ADAMTS16: variants seen among roughly 807,000 people sequenced by gnomAD.
ADAMTS16 encodes A disintegrin and metalloproteinase with thrombospondin motifs 16.
In ADAMTS16, 94 loss-of-function variants were observed where a neutral mutation model predicts 145.8. The observed-to-expected ratio is 0.64, with a 90% CI of 0.55 to 0.77. The LOEUF (loss-of-function observed/expected upper bound fraction) is 0.77. ADAMTS16 is among the 30% of genes least tolerant of loss of function. ADAMTS16 has a pLI of 0.00. For missense variants in ADAMTS16, 1,585 were observed against 1,591.5 expected, an observed-to-expected ratio of 1.00 and a Z score of 0.07; for synonymous variants, 659 against 604.3, an observed-to-expected ratio of 1.09 and a Z score of -1.33.
chr5:5,308,104 C>T (rs1277368052), intron 21 of ADAMTS16, among the ~76,000 whole-genome samples: 1 of 152,240 alleles, frequency 6.6e-6, no homozygotes, highest in Admixed American at 6.5e-5. Context: ...GTGGCACACC[C>T]AAGGTGAAGT....
Position 5,262,714 on chromosome 5 carries a change from C to T in ADAMTS16, c.2720C>T (p.Ser907Phe). Residue 907 changes from serine to phenylalanine, a missense_variant, in exon 18 of 23, where the codon TCC becomes TTC. Ser to Phe is a radical substitution (Grantham distance 155). Around this residue, in one of 3 missense-constraint regions of ADAMTS16, gnomAD observed 834 missense variants for 811.7 expected, o/e 1.03. Transcript: ENST00000274181. ...GACCTGAAGTTTCAAGTAAATATGTCCTTCTGCAATCCCAAGACACGACCT... is the reference window on the plus strand; with the variant it reads ...GACCTGAAGTTTCAAGTAAATATGTTCTTCTGCAATCCCAAGACACGACCT... ...YRDLKFQVNM[S>F]FCNPKTRPVT... The T allele has an allele frequency of 6.2e-7, 1 of 1,614,230 alleles. No individual in the cohort carries two copies.
At chr5:5,257,120 C>T (rs2964408) in intron 17 of ADAMTS16, among the ~76,000 whole-genome samples, 145,609 of 152,288 alleles carry the variant, frequency 0.96, 69,835 homozygotes, top group Non-Finnish European at 1. Flanking sequence ...GAAAGTAGGT[C>T]CATAAAACAT....
chr5:5,145,198 A>G (rs1383790053), intron 2 of ADAMTS16, among the ~76,000 whole-genome samples: 1 of 152,222 alleles, frequency 6.6e-6, no homozygotes, highest in East Asian at 1.9e-4. Context: ...TATGGAAAAA[A>G]TACTGTATTA....
At chr5:5,294,726 G>A (rs1739462078) in intron 18 of ADAMTS16, among the ~76,000 whole-genome samples, 2 of 152,296 alleles carry the variant, frequency 1.3e-5, no homozygotes, top group Admixed American at 1.3e-4. Flanking sequence ...TGGAAAATTG[G>A]AAAGCCGAGT....
intron 3 of ADAMTS16, among the ~76,000 whole-genome samples, chr5:5,169,270 A>G (rs911570493): frequency 6.6e-6 from 1 of 152,216 alleles, no homozygotes; most frequent in African/African-American, 2.4e-5. Context: ...TCAACGTAGA[A>G]GGAAATACTA....
Position 5,182,296 on chromosome 5 carries a change from C to T in ADAMTS16, c.754C>T (p.Arg252Cys), listed in dbSNP as rs201921839. 4.8e-5 allele frequency: 78 copies of T among 1,611,910 alleles called. No individual in the cohort carries two copies. The highest frequency in any genetic ancestry group is 9.3e-5 in the African/African-American group (7 of 74,982). The change falls in exon 4 of 23, where the codon CGC (arginine) becomes TGC (cysteine). Residue 252 changes from arginine to cysteine, a missense_variant. This residue lies in a region of ADAMTS16 where 453 missense variants were observed against 412.1 expected (regional missense o/e 1.10). Transcript: ENST00000274181. Reference protein sequence around the residue: ...LPQKQHFCGRRKKYMPQPPKE... With the variant: ...LPQKQHFCGRCKKYMPQPPKE... Reference sequence around the variant, plus strand: ...ACAAAAGCAGCATTTCTGTGGAAGACGCAAGAAATGTATGTAAGGGCGAAT... The same window carrying T: ...ACAAAAGCAGCATTTCTGTGGAAGATGCAAGAAATGTATGTAAGGGCGAAT...
At chr5:5,145,427 T>C (rs1241182436) in intron 2 of ADAMTS16, among the ~76,000 whole-genome samples, 1 of 152,210 alleles carries the variant, frequency 6.6e-6, no homozygotes, top group Non-Finnish European at 1.5e-5. Flanking sequence ...GCACTGAATA[T>C]TCAGTGATGG....
chr5:5,167,470 T>C (rs1418728893), intron 3 of ADAMTS16, among the ~76,000 whole-genome samples: 2 of 152,204 alleles, frequency 1.3e-5, no homozygotes, highest in African/African-American at 4.8e-5. Flanking sequence ...AGGTACAGGA[T>C]CTCAGAATCT....
intron 12 of ADAMTS16, among the ~76,000 whole-genome samples, chr5:5,233,012 G>A (rs1330071214): frequency 7.1e-6 from 1 of 141,780 alleles, no homozygotes; most frequent in African/African-American, 2.5e-5. Context: ...TATAACTTAA[G>A]ATGCTTATAA....
At position 5,306,742 on chromosome 5, in the gene ADAMTS16, T is replaced by A. The variant is rs766996201; in HGVS notation, c.3411+14T>A. The A allele has an allele frequency of 6.5e-5, 103 of 1,589,248 alleles. No homozygotes were observed. The highest frequency in any genetic ancestry group is 8.6e-5 in the Non-Finnish European group (100 of 1,166,822). ...CCCTGGTCTCAGGTAGGGGAGGCCC[T>A]CGGTTCCTGGAGAGTGGGCGAGCAC... On this transcript the variant is annotated intron_variant, in intron 21 of 22. Transcript: ENST00000274181.
chr5:5,300,208 C>A (rs764900260), intron 18 of ADAMTS16, among the ~76,000 whole-genome samples: 4 of 152,122 alleles, frequency 2.6e-5, no homozygotes, highest in Non-Finnish European at 4.4e-5. Flanking sequence ...ATTTATAAGG[C>A]TGCAGGATTG....
intron 18 of ADAMTS16, among the ~76,000 whole-genome samples, chr5:5,274,693 C>G (rs1012018514): frequency 6.7e-6 from 1 of 148,160 alleles, no homozygotes; most frequent in Non-Finnish European, 1.5e-5. Context: ...TACATATATA[C>G]ATATATATAC....
chr5:5,227,114 G>A (rs971021604), intron 11 of ADAMTS16, among the ~76,000 whole-genome samples: 5 of 152,244 alleles, frequency 3.3e-5, no homozygotes, highest in African/African-American at 1.2e-4. Context: ...AATTTCAGAA[G>A]AGGACACCGG....
Position 5,140,461 on chromosome 5 carries a change from C to G in ADAMTS16, c.-7C>G, listed in dbSNP as rs1176411638. 1 of 1,510,246 alleles carries G rather than the reference C, an allele frequency of 6.6e-7. No homozygotes were observed. Among genetic ancestry groups the G allele is most frequent in the Non-Finnish European group, 8.8e-7 (1 of 1,138,108 alleles). The allele number at this position is 1,510,246 out of a possible 1,614,324, so 93.6% of individuals were successfully genotyped here. A position where few individuals can be genotyped will look rare whatever the true frequency, so the allele number is the denominator to read the frequency against. On this transcript the variant is annotated 5_prime_UTR_variant, in exon 1 of 23. Coordinates refer to ENST00000274181, the MANE Select transcript of ADAMTS16 (RefSeq NM_139056.4). Reference sequence around the variant, plus strand: ...CGGTGGCCCCTAGCCCCTCGGAGCGCTCCTGGATGAAGCCCCGCGCGCGCG... The same window carrying G: ...CGGTGGCCCCTAGCCCCTCGGAGCGGTCCTGGATGAAGCCCCGCGCGCGCG...
chr5:5,238,123 C>T (rs1737169546), intron 14 of ADAMTS16, among the ~76,000 whole-genome samples: 1 of 152,158 alleles, frequency 6.6e-6, no homozygotes, highest in Non-Finnish European at 1.5e-5. Flanking sequence ...AGATCTCTTT[C>T]ATTGTACCTC....
At chr5:5,237,397 G>T (rs1217862024) in intron 14 of ADAMTS16, among the ~76,000 whole-genome samples, 1 of 152,202 alleles carries the variant, frequency 6.6e-6, no homozygotes, top group Non-Finnish European at 1.5e-5. Context: ...GAAAGGGTGA[G>T]TTGGAAGAGG....
intron 17 of ADAMTS16, among the ~76,000 whole-genome samples, chr5:5,252,382 A>C (rs915698383): frequency 1.3e-5 from 2 of 152,194 alleles, no homozygotes; most frequent in Non-Finnish European, 2.9e-5. Context: ...GGAAAACAAT[A>C]ATTCCACTGA....
intron 13 of ADAMTS16, among the ~76,000 whole-genome samples, chr5:5,236,616 T>C (rs926092955): frequency 0.04 from 12 of 302 alleles, no homozygotes; most frequent in African/African-American, 0.075. Context: ...AAATGGCAGT[T>C]TTTTTTTTTG....
At position 5,239,586 on chromosome 5, in the gene ADAMTS16, C is replaced by A. The variant is rs1450964669; in HGVS notation, c.2279-95C>A. 2.6e-6 allele frequency: 4 copies of A among 1,526,302 alleles called. No individual in the cohort carries two copies. In the Admixed American group the frequency reaches 7.2e-5, roughly 28 times the overall value. The allele number at this position is 1,526,302 out of a possible 1,614,324, so 94.5% of individuals were successfully genotyped here. A position where few individuals can be genotyped will look rare whatever the true frequency, so the allele number is the denominator to read the frequency against. ...CTTCACCCAGTTCCAAATGTGGATT[C>A]TCAGGTTTTGTTTACCGAGGACTGG... On this transcript the variant is annotated intron_variant, in intron 15 of 22. Transcript: ENST00000274181.
Sources: gnomAD v4.1 joint callset for allele counts (sites outside exome capture counted in the v4.1 genomes callset) on GRCh38, gnomAD v4.1.1 for gene constraint, gnomAD v4.1.1 regional missense constraint, MANE v1.5 for transcripts, NCBI Gene and HGNC (gene_info 2026-07-23, HGNC 2026-07-21) for gene names.